The following RALYL variants were observed in gnomAD, a reference collection of about 807,000 sequenced individuals.
The protein encoded by RALYL is RNA-binding Raly-like protein.
A neutral mutation model predicts 35.1 loss-of-function variants in RALYL; 29 were observed. The ratio of observed to expected loss-of-function variants is 0.83; its 90% CI spans 0.61 to 1.13. RALYL has a LOEUF of 1.13. Among genes scored for constraint, RALYL ranks in the 50% most tolerant of loss-of-function variants. RALYL has a pLI of 0.00. For missense variants in RALYL, 359 were observed against 360.4 expected, an observed-to-expected ratio of 1.00 and a Z score of 0.03; for synonymous variants, 120 against 127.6, an observed-to-expected ratio of 0.94 and a Z score of 0.40.
At chr8:84,553,769 G>A (rs931672132) in intron 2 of RALYL, among the ~76,000 whole-genome samples, 12 of 151,892 alleles carry the variant, frequency 7.9e-5, no homozygotes, top group African/African-American at 9.7e-5. Context: ...GCTACAGGTG[G>A]CAGTGGTCCT....
chr8:84,224,352 A>T (rs1823306950), intron 1 of RALYL, among the ~76,000 whole-genome samples: 1 of 152,166 alleles, frequency 6.6e-6, no homozygotes, highest in African/African-American at 2.4e-5. Flanking sequence ...CTTGAGGCTC[A>T]CTAAGTGAAT....
Position 84,183,676 on chromosome 8 carries a change from A to G in RALYL, c.-772A>G, listed in dbSNP as rs1368089007. On this transcript the variant is annotated 5_prime_UTR_variant, in exon 1 of 9. Transcript: ENST00000521268. Reference sequence around the variant, plus strand: ...GTTTTTGTTTTTTTTCTTTTTTTCCACTTCTTTGATTATTGTTTATATTTG... The same window carrying G: ...GTTTTTGTTTTTTTTCTTTTTTTCCGCTTCTTTGATTATTGTTTATATTTG... 1 of 121,428 alleles carries G rather than the reference A, an allele frequency of 8.2e-6. No homozygotes were observed. The highest frequency in any genetic ancestry group is 1.8e-5 in the Non-Finnish European group (1 of 56,720). The allele number at this position is 121,428 out of a possible 1,614,324, so 7.5% of individuals were successfully genotyped here.
At chr8:84,718,075 GA>G (rs1209366828) in intron 2 of RALYL, among the ~76,000 whole-genome samples, 1 of 152,084 alleles carries the variant, frequency 6.6e-6, no homozygotes, top group Non-Finnish European at 1.5e-5. Flanking sequence ...TGTCATGATT[GA>G]AAATAATAGA....
intron 2 of RALYL, among the ~76,000 whole-genome samples, chr8:84,651,234 A>T (rs1018369696): frequency 1.9e-4 from 29 of 151,924 alleles, no homozygotes; most frequent in African/African-American, 5.3e-4. Flanking sequence ...TAATAAAATT[A>T]AAAAAATTAA....
intron 4 of RALYL, among the ~76,000 whole-genome samples, chr8:84,809,781 A>G (rs1448663728): frequency 6.6e-6 from 1 of 152,130 alleles, no homozygotes; most frequent in African/African-American, 2.4e-5. Flanking sequence ...AGGTGTTCAC[A>G]GTAGCCTTAA....
At chr8:84,832,980 T>C (rs1164533568) in intron 4 of RALYL, among the ~76,000 whole-genome samples, 1 of 152,194 alleles carries the variant, frequency 6.6e-6, no homozygotes, top group East Asian at 1.9e-4. Flanking sequence ...TAATACTTAG[T>C]CTGCCTTCTG....
intron 1 of RALYL, among the ~76,000 whole-genome samples, chr8:84,304,221 C>T (rs1325064011): frequency 6.6e-6 from 1 of 151,970 alleles, no homozygotes; most frequent in Non-Finnish European, 1.5e-5. Flanking sequence ...GGGTTCACGC[C>T]ATTGTCCTGC....
intron 2 of RALYL, among the ~76,000 whole-genome samples, chr8:84,663,931 G>C (rs927047850): frequency 1.3e-5 from 2 of 152,016 alleles, no homozygotes; most frequent in South Asian, 2.1e-4. Flanking sequence ...TTTTCTTCTG[G>C]GGATTTTATA....
At chr8:84,390,105 G>GT (rs1460656458) in intron 1 of RALYL, among the ~76,000 whole-genome samples, 276 of 152,054 alleles carry the variant, frequency 1.8e-3, no homozygotes, top group African/African-American at 6.4e-3. Flanking sequence ...AGATAATCAT[G>GT]GTTTTTGTCT....
chr8:84,726,795 G>A (rs760537208), intron 2 of RALYL, among the ~76,000 whole-genome samples: 4 of 151,902 alleles, frequency 2.6e-5, no homozygotes, highest in East Asian at 1.9e-4. Flanking sequence ...AATTTACTTA[G>A]CAAACATTTA....
intron 1 of RALYL, among the ~76,000 whole-genome samples, chr8:84,501,451 C>G (rs1228848278): frequency 6.6e-6 from 1 of 151,978 alleles, no homozygotes; most frequent in Non-Finnish European, 1.5e-5. Flanking sequence ...CTCTATAAAA[C>G]TGAAATGTTG....
At chr8:84,387,886 C>T (rs576052633) in intron 1 of RALYL, among the ~76,000 whole-genome samples, 66 of 150,568 alleles carry the variant, frequency 4.4e-4, no homozygotes, top group African/African-American at 1.5e-3. Flanking sequence ...GGTACATGTG[C>T]ACAATGTGCA....
chr8:84,259,886 A>AT (rs1831921800), intron 1 of RALYL, among the ~76,000 whole-genome samples: 1 of 152,162 alleles, frequency 6.6e-6, no homozygotes, highest in Admixed American at 6.5e-5. Flanking sequence ...CCCTTTCAGG[A>AT]TCCCCAAGAA....
chr8:84,873,432 G>C (rs890843244), intron 7 of RALYL, 35 bp downstream of exon 7: 1 of 1,291,178 alleles, frequency 7.7e-7, no homozygotes, highest in Admixed American at 2.0e-5. Flanking sequence ...GGTCAGAATT[G>C]AACCAGTGAA....
At chr8:84,873,759 T>C (rs942212930) in intron 7 of RALYL, among the ~76,000 whole-genome samples, 5 of 152,234 alleles carry the variant, frequency 3.3e-5, no homozygotes, top group Admixed American at 2.0e-4. Flanking sequence ...TCATATATAA[T>C]TAAATTAACT....
intron 1 of RALYL, among the ~76,000 whole-genome samples, chr8:84,516,140 A>G (rs930993394): frequency 6.6e-6 from 1 of 152,090 alleles, no homozygotes; most frequent in Non-Finnish European, 1.5e-5. Flanking sequence ...CCAGTCATAC[A>G]TTTTAGATGG....
chr8:84,508,854 C>CTCAAA (rs60649529), intron 1 of RALYL, among the ~76,000 whole-genome samples: 1 of 151,826 alleles, frequency 6.6e-6, no homozygotes, highest in African/African-American at 2.4e-5. Flanking sequence ...ATAATAAAAA[C>CTCAAA]AATCTTTTCA....
At chr8:84,658,509 G>A (rs1183257640) in intron 2 of RALYL, among the ~76,000 whole-genome samples, 1 of 152,118 alleles carries the variant, frequency 6.6e-6, no homozygotes, top group African/African-American at 2.4e-5. Flanking sequence ...AAACTCTGTA[G>A]TTTTAGAAAC....
intron 8 of RALYL, among the ~76,000 whole-genome samples, chr8:84,892,579 CA>C (rs1173653612): frequency 6.7e-6 from 1 of 150,354 alleles, no homozygotes; most frequent in East Asian, 1.9e-4. Context: ...CATTGCACTC[CA>C]GCCTGGGCAA....
Sources: gnomAD v4.1 joint callset for allele counts (sites outside exome capture counted in the v4.1 genomes callset) on GRCh38, gnomAD v4.1.1 for gene constraint, MANE v1.5 for transcripts, NCBI Gene and HGNC (gene_info 2026-07-23, HGNC 2026-07-21) for gene names.